CACNG5: variants seen among roughly 807,000 people sequenced by gnomAD.
The protein encoded by CACNG5 is voltage-dependent calcium channel gamma-5 subunit.
CACNG5 carries 18 observed loss-of-function variants against 24.8 expected under a neutral mutation model. The observed-to-expected ratio is 0.73, with a 90% CI of 0.50 to 1.08. The LOEUF is 1.08. CACNG5 is among the 50% of genes least tolerant of loss of function. The pLI is 0.00. For missense variants in CACNG5, 349 were observed against 367.9 expected (o/e 0.95, Z 0.42); for synonymous variants, 157 against 149.1 (o/e 1.05, Z -0.39).
chr17:66,837,116 T>G (rs1598040875), intron 1 of CACNG5, among the ~76,000 whole-genome samples: 1 of 152,172 alleles, frequency 6.6e-6, no homozygotes, highest in Admixed American at 6.5e-5. Context: ...TCAAGTAAGG[T>G]CATGAATGAA....
intron 1 of CACNG5, among the ~76,000 whole-genome samples, chr17:66,870,184 A>G (rs1976985567): frequency 6.6e-6 from 1 of 152,206 alleles, no homozygotes; most frequent in Non-Finnish European, 1.5e-5. Context: ...GGAAGTGCTC[A>G]ACTAGGCAGT....
chr17:66,884,154 AAAG>A (rs374140578), intron 4 of CACNG5, among the ~76,000 whole-genome samples: 17 of 151,878 alleles, frequency 1.1e-4, no homozygotes, highest in African/African-American at 3.4e-4. Flanking sequence ...AAAAAAAAAA[AAAG>A]AAGAAAATAC....
At chr17:66,836,470 G>A (rs1388652912) in intron 1 of CACNG5, among the ~76,000 whole-genome samples, 1 of 152,214 alleles carries the variant, frequency 6.6e-6, no homozygotes, top group African/African-American at 2.4e-5. Context: ...TGGATTCAGA[G>A]TATCTCAGGA....
chr17:66,876,984 T>C (rs558438827), intron 1 of CACNG5, among the ~76,000 whole-genome samples: 2 of 47,280 alleles, frequency 4.2e-5, no homozygotes, highest in Admixed American at 4.6e-4. Context: ...GGTTGCTGAA[T>C]GAATGAATGA....
intron 1 of CACNG5, among the ~76,000 whole-genome samples, chr17:66,857,662 G>A (rs1183491243): frequency 6.6e-6 from 1 of 152,152 alleles, no homozygotes; most frequent in Non-Finnish European, 1.5e-5. Flanking sequence ...AACCACCTGT[G>A]GCTGGCTAGT....
intron 1 of CACNG5, among the ~76,000 whole-genome samples, chr17:66,856,813 G>C (rs1200987005): frequency 9.2e-5 from 14 of 151,788 alleles, no homozygotes; most frequent in Non-Finnish European, 7.4e-5. Flanking sequence ...AAAGTACTGG[G>C]ATTACAGGTG....
chr17:66,843,540 C>A (rs1420974625), intron 1 of CACNG5, among the ~76,000 whole-genome samples: 1 of 152,148 alleles, frequency 6.6e-6, no homozygotes, highest in Admixed American at 6.5e-5. Context: ...AGATGTGGTG[C>A]AGTCTTGGGC....
intron 1 of CACNG5, among the ~76,000 whole-genome samples, chr17:66,871,570 A>G (rs7209651): frequency 0.07 from 10,614 of 152,248 alleles, 418 homozygotes; most frequent in African/African-American, 0.083. Context: ...AATCTCCACA[A>G]GACATTTCTC....
chr17:66,873,097 T>C (rs1200072442), intron 1 of CACNG5, among the ~76,000 whole-genome samples: 1 of 152,168 alleles, frequency 6.6e-6, no homozygotes, highest in Non-Finnish European at 1.5e-5. Flanking sequence ...AACCCTGAGT[T>C]TCTCCATCCA....
At chr17:66,856,231 G>A (rs8071471) in intron 1 of CACNG5, among the ~76,000 whole-genome samples, 16,752 of 152,214 alleles carry the variant, frequency 0.11, 1,045 homozygotes, top group Middle Eastern at 0.17. Flanking sequence ...AATGCTTAAC[G>A]CTCAACCAAA....
intron 1 of CACNG5, among the ~76,000 whole-genome samples, chr17:66,872,315 T>C (rs1175492338): frequency 6.6e-6 from 1 of 152,158 alleles, no homozygotes; most frequent in Non-Finnish European, 1.5e-5. Flanking sequence ...AAAAATCAAA[T>C]GAACATGAGA....
intron 1 of CACNG5, among the ~76,000 whole-genome samples, chr17:66,844,143 G>A (rs1399757394): frequency 6.6e-6 from 1 of 152,206 alleles, no homozygotes; most frequent in Non-Finnish European, 1.5e-5. Context: ...CTCGTTGGGT[G>A]CTTATCACTG....
At position 66,877,306 on chromosome 17, in the gene CACNG5, C is replaced by T. The variant is rs1977094242; in HGVS notation, c.-27C>T. On this transcript the variant is annotated 5_prime_UTR_variant, in exon 2 of 6. Transcript: ENST00000533854. ...GTCCGTGCTGGTGGGAGCGTGGCGA[C>T]TAGTTGCACAGCAACGGTCCAGGAA... is the stretch of plus-strand genomic sequence containing the variant. 4 of 1,602,700 alleles carry T rather than the reference C, an allele frequency of 2.5e-6. No homozygotes were observed. Among genetic ancestry groups the T allele is most frequent in the Non-Finnish European group, 2.6e-6 (3 of 1,171,714 alleles).
In CACNG5 at chr17:66,888,405, G is replaced by A. The variant is rs1057285575; in HGVS notation, c.*3165G>A. On this transcript the variant is annotated 3_prime_UTR_variant, in exon 6 of 6. Transcript: ENST00000533854. Reference sequence around the variant, plus strand: ...TAAAAATACAAAAAATTAGCTGGGCGTGGTGGTGGGAGCCTGTAGTCCCAG... The same window carrying A: ...TAAAAATACAAAAAATTAGCTGGGCATGGTGGTGGGAGCCTGTAGTCCCAG... Among the ~76,000 whole-genome samples the A allele has an allele frequency of 5.7e-4, 86 of 151,660 alleles. No homozygotes were observed. The highest frequency in any genetic ancestry group is 2.0e-3 in the African/African-American group (83 of 41,436).
intron 1 of CACNG5, among the ~76,000 whole-genome samples, chr17:66,863,123 T>G (rs1976887419): frequency 6.6e-6 from 1 of 152,140 alleles, no homozygotes; most frequent in Admixed American, 6.5e-5. Flanking sequence ...TTTTCTAATA[T>G]ATGCTCTTAA....
At chr17:66,845,628 CT>C (rs1976629451) in intron 1 of CACNG5, among the ~76,000 whole-genome samples, 1 of 152,166 alleles carries the variant, frequency 6.6e-6, no homozygotes, top group Non-Finnish European at 1.5e-5. Context: ...AACTTGCCCC[CT>C]GCACTGCCAA....
intron 1 of CACNG5, among the ~76,000 whole-genome samples, chr17:66,875,868 TGCCCCAG>T (rs2143108224): frequency 6.6e-6 from 1 of 152,342 alleles, no homozygotes; most frequent in Non-Finnish European, 1.5e-5. Context: ...CTTTCTGAGT[TGCCCCAG>T]GCCTCATTCT....
In CACNG5 at chr17:66,885,369, AC is replaced by A. The variant is rs1977243505; in HGVS notation, c.*133del. 2 of 1,144,784 alleles carry A rather than the reference AC, an allele frequency of 1.7e-6. No homozygotes were observed. The highest frequency in any genetic ancestry group is 2.4e-6 in the Non-Finnish European group (2 of 821,588). The allele number at this position is 1,144,784 out of a possible 1,614,324, so 70.9% of individuals were successfully genotyped here. On this transcript the variant is annotated 3_prime_UTR_variant, in exon 6 of 6. Coordinates refer to ENST00000533854, the MANE Select transcript of CACNG5 (RefSeq NM_145811.3). ...ACCCATGCTTAGCTGTTGTCACTTG[AC>A]CCCAGTCCTCTCCCTGCTTCTCCAG...
intron 1 of CACNG5, among the ~76,000 whole-genome samples, chr17:66,867,361 TG>T (rs916142955): frequency 7.2e-5 from 11 of 152,258 alleles, no homozygotes; most frequent in African/African-American, 2.7e-4. Flanking sequence ...TTGTAAATTC[TG>T]GGTATTAGAC....
Sources: allele counts gnomAD v4.1 joint callset (sites outside exome capture counted in the v4.1 genomes callset), GRCh38; gene constraint gnomAD v4.1.1; transcripts MANE v1.5; gene names NCBI Gene and HGNC (gene_info 2026-07-23, HGNC 2026-07-21).